The following ANKRD12 variants were observed in gnomAD, a reference collection of about 807,000 sequenced individuals.
ANKRD12 encodes ankyrin repeat domain 12, also known as ankyrin repeat domain-containing protein 12.
In ANKRD12, 85 loss-of-function variants were observed where a neutral mutation model predicts 183.4. That is an observed-to-expected ratio of 0.46 (90% CI 0.39 to 0.56). The LOEUF is 0.56. ANKRD12 is among the 20% of genes least tolerant of loss of function. The pLI is 0.00. For missense variants in ANKRD12, 2,405 were observed against 2,357.1 expected (o/e 1.02, Z -0.42); for synonymous variants, 914 against 800.2 (o/e 1.14, Z -2.40).
At chr18:9,250,107 A>G (rs2038201548) in intron 8 of ANKRD12, 1 of 152,222 alleles carries the variant, frequency 6.6e-6, no homozygotes, top group Non-Finnish European at 1.5e-5. Context: ...AAATAGTGGT[A>G]GTGGCTGTTC....
chr18:9,244,948 T>C (rs188307353), intron 8 of ANKRD12, among the ~76,000 whole-genome samples: 1 of 152,346 alleles, frequency 6.6e-6, no homozygotes, highest in African/African-American at 2.4e-5. Context: ...CGTTTATTCT[T>C]TTCTTTTACC....
At chr18:9,215,549 A>T (rs1567925608) in intron 6 of ANKRD12, among the ~76,000 whole-genome samples, 2 of 152,104 alleles carry the variant, frequency 1.3e-5, no homozygotes, top group Non-Finnish European at 2.9e-5. Flanking sequence ...CCAGCCTCTA[A>T]TTAGAGGGTC....
intron 3 of ANKRD12, among the ~76,000 whole-genome samples, chr18:9,198,136 T>G (rs549865101): frequency 6.6e-6 from 1 of 152,312 alleles, no homozygotes; most frequent in South Asian, 2.1e-4. Context: ...TTATGTAGTA[T>G]TCTGTATTTT....
At chr18:9,215,012 T>G (rs888671893) in intron 6 of ANKRD12, among the ~76,000 whole-genome samples, 6 of 152,086 alleles carry the variant, frequency 3.9e-5, no homozygotes, top group African/African-American at 1.2e-4. Context: ...TTTAATAATT[T>G]TAGAACAAGG....
Position 9,271,391 on chromosome 18 carries a change from G to A in ANKRD12, c.5764-4133G>A, listed in dbSNP as rs138203166. On this transcript the variant is annotated intron_variant, in intron 10 of 12. Transcript: ENST00000262126. ...ATACAAAAAATTAGACGGGTGTGGCGGCACACGCGTTTAGCAACTCGGGAG... is the reference window on the plus strand; with the variant it reads ...ATACAAAAAATTAGACGGGTGTGGCAGCACACGCGTTTAGCAACTCGGGAG... Among the ~76,000 whole-genome samples, 549 of 152,228 alleles carry A rather than the reference G, an allele frequency of 3.6e-3. 4 individuals carry two copies. The highest frequency in any genetic ancestry group is 6.3e-3 in the Non-Finnish European group (431 of 68,014).
chr18:9,278,501 TA>T (rs1368655200), intron 11 of ANKRD12, among the ~76,000 whole-genome samples: 3 of 152,194 alleles, frequency 2.0e-5, no homozygotes, highest in Non-Finnish European at 4.4e-5. Context: ...TTATAACTGC[TA>T]AAAATGTGAG....
chr18:9,202,040 C>T (rs1361272938), intron 3 of ANKRD12, among the ~76,000 whole-genome samples: 1 of 152,038 alleles, frequency 6.6e-6, no homozygotes, highest in Non-Finnish European at 1.5e-5. Flanking sequence ...GTAGGCCAAG[C>T]TGGTCTCAAA....
chr18:9,247,111 T>C (rs568415272), intron 8 of ANKRD12, among the ~76,000 whole-genome samples: 1 of 152,302 alleles, frequency 6.6e-6, no homozygotes, highest in South Asian at 2.1e-4. Flanking sequence ...CACTTTCTGT[T>C]GGGCAAAAAG....
At chr18:9,144,391 C>T (rs977382390) in intron 1 of ANKRD12, among the ~76,000 whole-genome samples, 30 of 152,258 alleles carry the variant, frequency 2.0e-4, no homozygotes, top group African/African-American at 6.0e-4. Context: ...TAGGCTCTGT[C>T]CAAAGTACTA....
Position 9,217,464 on chromosome 18 carries a change from G to A in ANKRD12, c.795+564G>A, listed in dbSNP as rs553511953. On this transcript the variant is annotated intron_variant, in intron 7 of 12. Transcript: ENST00000262126. ...GTAAATGCACATTGAAATTTAAGATGGTCTAGAAGTATCAGGGGTAAAAGA... is the reference window on the plus strand; with the variant it reads ...GTAAATGCACATTGAAATTTAAGATAGTCTAGAAGTATCAGGGGTAAAAGA... Among the ~76,000 whole-genome samples the A allele has an allele frequency of 2.0e-5, 3 of 152,254 alleles. No individual in the cohort carries two copies. The South Asian group carries it at 6.2e-4, about 32-fold the overall frequency.
rs1187075504 is a variant in ANKRD12 at position 9,178,104 on chromosome 18, A to T, written c.-51-4278A>T. ...ATTTTCTTAACACCTTAACAGGGTA[A>T]TTTAAAGAGCAGAAGTTTTTGTGAA... On this transcript the variant is annotated intron_variant, in intron 1 of 12. Transcript: ENST00000262126. 2.6e-5 allele frequency among the ~76,000 whole-genome samples: 4 copies of T among 152,342 alleles called. No individual in the cohort carries two copies. The East Asian group carries it at 7.7e-4, about 29-fold the overall frequency.
intron 11 of ANKRD12, among the ~76,000 whole-genome samples, chr18:9,278,743 G>A (rs909379567): frequency 7.2e-5 from 11 of 151,872 alleles, no homozygotes; most frequent in Non-Finnish European, 1.6e-4. Flanking sequence ...ATTGCAGAGA[G>A]TCAAGATTCC....
chr18:9,141,144 A>AG (rs1232158150), intron 1 of ANKRD12, among the ~76,000 whole-genome samples: 5 of 152,098 alleles, frequency 3.3e-5, no homozygotes, highest in Non-Finnish European at 7.4e-5. Context: ...AAAAAAGAAA[A>AG]GAAGTACCTT....
intron 8 of ANKRD12, among the ~76,000 whole-genome samples, chr18:9,222,473 TTTTTTTTTTAAACACAA>T (rs1472907868): frequency 6.6e-6 from 1 of 152,004 alleles, no homozygotes; most frequent in Non-Finnish European, 1.5e-5. Flanking sequence ...TCTTTCTTTT[TTTTTTTTTTAAACACAA>T]TTTTTTTTTA....
At chr18:9,207,292 A>G (rs1295760838) in intron 4 of ANKRD12, among the ~76,000 whole-genome samples, 1 of 151,974 alleles carries the variant, frequency 6.6e-6, no homozygotes, top group Non-Finnish European at 1.5e-5. Context: ...TGATAATGAA[A>G]TAATAAATAT....
chr18:9,277,216 G>A (rs1485282980), intron 11 of ANKRD12, among the ~76,000 whole-genome samples: 1 of 152,074 alleles, frequency 6.6e-6, no homozygotes, highest in Non-Finnish European at 1.5e-5. Context: ...GCTACCCCAG[G>A]TGGCTAAGGT....
rs1223424633 is a variant in ANKRD12, at chr18:9,216,914, A to G, written c.795+14A>G. 1 of 1,605,374 alleles carries G rather than the reference A, an allele frequency of 6.2e-7. No homozygotes were observed. The highest frequency in any genetic ancestry group is 8.5e-7 in the Non-Finnish European group (1 of 1,177,252). Reference sequence around the variant, plus strand: ...GGGCACAGAGATGTAAGTATGATAGAAAAAAATCAATAATACACATTTGCA... The same window carrying G: ...GGGCACAGAGATGTAAGTATGATAGGAAAAAATCAATAATACACATTTGCA... On this transcript the variant is annotated intron_variant, in intron 7 of 12. Coordinates refer to ENST00000262126, the MANE Select transcript of ANKRD12 (RefSeq NM_015208.5).
At chr18:9,275,809 G>A in intron 11 of ANKRD12, 142 bp downstream of exon 11, 1 of 741,780 alleles carries the variant, frequency 1.3e-6, no homozygotes, top group South Asian at 2.9e-5. Context: ...TCAAGCCAGA[G>A]TACTTCCAGA....
chr18:9,243,443 T>C (rs991006845), intron 8 of ANKRD12, among the ~76,000 whole-genome samples: 4 of 151,974 alleles, frequency 2.6e-5, no homozygotes, highest in Non-Finnish European at 5.9e-5. Flanking sequence ...TTGAGGAAAA[T>C]CAAGTGAATG....
Sources: allele counts gnomAD v4.1 joint callset (sites outside exome capture counted in the v4.1 genomes callset), GRCh38; gene constraint gnomAD v4.1.1; transcripts MANE v1.5; gene names NCBI Gene and HGNC (gene_info 2026-07-23, HGNC 2026-07-21).